The following MDGA2 variants were observed in gnomAD, a reference collection of about 807,000 sequenced individuals.
MDGA2 encodes the protein MAM domain-containing glycosylphosphatidylinositol anchor protein 2.
A neutral mutation model predicts 117.8 loss-of-function variants in MDGA2; 40 were observed. That is an observed-to-expected ratio of 0.34 (90% CI 0.26 to 0.44). The LOEUF is 0.44. Among genes scored for constraint, MDGA2 ranks in the 20% least tolerant of loss-of-function variants. The pLI is 1.00. For synonymous variants in MDGA2, 452 were observed against 439.0 expected (o/e 1.03, Z -0.37); for missense variants, 1,123 against 1,250.6 (o/e 0.90, Z 1.54).
chr14:46,843,015 T>C (rs1361949694), intron 16 of MDGA2, among the ~76,000 whole-genome samples: 2 of 152,234 alleles, frequency 1.3e-5, no homozygotes, highest in East Asian at 3.8e-4. Context: ...AATAGATTAT[T>C]TGTGTTCAAT....
At position 47,268,542 on chromosome 14, in the gene MDGA2, C is replaced by T. The variant is rs114034764; in HGVS notation, c.420+32869G>A. Among the ~76,000 whole-genome samples, 668 of 152,256 alleles carry T rather than the reference C, an allele frequency of 4.4e-3. 3 individuals carry two copies. Among genetic ancestry groups the T allele is most frequent in the African/African-American group, 0.015 (639 of 41,526 alleles). ...GTCAGGACTAGAATTCAGACACATT[C>T]CATCCTGAAACTCTATAATAATGAG... On this transcript the variant is annotated intron_variant, in intron 2 of 16. Coordinates refer to ENST00000399232, the MANE Select transcript of MDGA2 (RefSeq NM_001113498.3).
At chr14:47,076,120 C>T (rs752996184) in intron 6 of MDGA2, among the ~76,000 whole-genome samples, 2 of 151,820 alleles carry the variant, frequency 1.3e-5, no homozygotes. Flanking sequence ...CAAATGGGTA[C>T]GATTAGTGAT....
intron 12 of MDGA2, among the ~76,000 whole-genome samples, chr14:46,877,133 A>G (rs562651368): frequency 6.6e-6 from 1 of 151,742 alleles, no homozygotes; most frequent in East Asian, 1.9e-4. Context: ...ATAGACATTC[A>G]AAGAAGGAAA....
intron 3 of MDGA2, among the ~76,000 whole-genome samples, chr14:47,179,693 G>C (rs1884621631): frequency 6.6e-6 from 1 of 152,016 alleles, no homozygotes; most frequent in South Asian, 2.1e-4. Context: ...ATGGTTCACA[G>C]AGGTAGGTGA....
At chr14:46,919,608 A>G (rs1884045263) in intron 10 of MDGA2, among the ~76,000 whole-genome samples, 1 of 152,224 alleles carries the variant, frequency 6.6e-6, no homozygotes, top group Non-Finnish European at 1.5e-5. Context: ...CCCTAAAGCA[A>G]AAATATGTAC....
downstream of MDGA2, chr14:46,839,946 G>A (rs1880541408): frequency 6.6e-6 from 1 of 151,906 alleles, no homozygotes; most frequent in African/African-American, 2.4e-5. Context: ...GAGTGCATCA[G>A]GGAGTTCCTA....
intron 1 of MDGA2, among the ~76,000 whole-genome samples, chr14:47,318,859 A>C (rs1269608300): frequency 6.7e-6 from 1 of 150,120 alleles, no homozygotes; most frequent in Non-Finnish European, 1.5e-5. Flanking sequence ...TAATTCTTGA[A>C]TATGTGCAAA....
At chr14:46,919,904 A>T in intron 10 of MDGA2, 108 bp downstream of exon 10, 1 of 949,468 alleles carries the variant, frequency 1.1e-6, no homozygotes, top group Non-Finnish European at 1.5e-6. Flanking sequence ...AGAAACACAT[A>T]TACATAAAAT....
chr14:47,205,131 T>C (rs1885637652), intron 3 of MDGA2, among the ~76,000 whole-genome samples: 1 of 151,924 alleles, frequency 6.6e-6, no homozygotes, highest in East Asian at 1.9e-4. Flanking sequence ...TATATATATG[T>C]GCATATGTGT....
intron 1 of MDGA2, among the ~76,000 whole-genome samples, chr14:47,576,012 A>G (rs887067091): frequency 6.6e-6 from 1 of 152,178 alleles, no homozygotes; most frequent in African/African-American, 2.4e-5. Context: ...TATAAATTAC[A>G]TAATTACATC....
At chr14:47,138,867 A>G (rs1882581560) in intron 4 of MDGA2, among the ~76,000 whole-genome samples, 2 of 152,100 alleles carry the variant, frequency 1.3e-5, no homozygotes, top group African/African-American at 4.8e-5. Flanking sequence ...AAGTATAATT[A>G]TTCGTCTTAG....
intron 3 of MDGA2, chr14:47,200,762 G>A (rs1885473375): frequency 1.2e-6 from 1 of 851,908 alleles, no homozygotes; most frequent in Non-Finnish European, 1.9e-6. Context: ...AACCTCGTGA[G>A]CCAGGCGCCC....
chr14:47,136,268 G>A lies in MDGA2; in HGVS notation c.793-4422C>T, dbSNP rs570890567. On this transcript the variant is annotated intron_variant, in intron 4 of 16. Coordinates refer to ENST00000399232, the MANE Select transcript of MDGA2 (RefSeq NM_001113498.3). ...GGCTGGAGTGCAGTGGCGCAACCTC[G>A]GCTCGCTGAAACTCTGCCTCCAGGT... Among the ~76,000 whole-genome samples the A allele has an allele frequency of 7.4e-5, 11 of 148,364 alleles. No homozygotes were observed. The South Asian group carries it at 1.1e-3, about 14-fold the overall frequency.
intron 1 of MDGA2, among the ~76,000 whole-genome samples, chr14:47,365,911 T>C (rs779162677): frequency 6.6e-6 from 1 of 152,240 alleles, no homozygotes; most frequent in Non-Finnish European, 1.5e-5. Context: ...ACATCAATAC[T>C]TCTAACTCTT....
chr14:46,997,237 A>G (rs752872273), intron 8 of MDGA2: 1 of 158,454 alleles, frequency 6.3e-6, no homozygotes, highest in African/African-American at 2.4e-5. Flanking sequence ...CTGTTTTCAG[A>G]ATCCATTGGC....
intron 1 of MDGA2, among the ~76,000 whole-genome samples, chr14:47,481,667 T>C (rs1893956296): frequency 6.6e-6 from 1 of 152,042 alleles, no homozygotes. Flanking sequence ...CGAGAAATGA[T>C]GTTTTGCTTA....
chr14:47,277,746 G>T (rs761584036), intron 2 of MDGA2, among the ~76,000 whole-genome samples: 6 of 152,134 alleles, frequency 3.9e-5, no homozygotes, highest in Non-Finnish European at 8.8e-5. Context: ...GGACTGAGAT[G>T]AATTAAAATC....
At chr14:47,415,885 G>A (rs540675637) in intron 1 of MDGA2, among the ~76,000 whole-genome samples, 5 of 152,166 alleles carry the variant, frequency 3.3e-5, no homozygotes, top group Admixed American at 1.3e-4. Context: ...GTGCTAATGC[G>A]AATCATGAGG....
intron 2 of MDGA2, among the ~76,000 whole-genome samples, chr14:47,238,264 A>G (rs1249577139): frequency 3.3e-5 from 5 of 152,212 alleles, no homozygotes; most frequent in Non-Finnish European, 7.3e-5. Flanking sequence ...CAGAACATAT[A>G]TGAATTTGTG....
Sources: gnomAD v4.1 joint callset for allele counts (sites outside exome capture counted in the v4.1 genomes callset) on GRCh38, gnomAD v4.1.1 for gene constraint, MANE v1.5 for transcripts, NCBI Gene and HGNC (gene_info 2026-07-23, HGNC 2026-07-21) for gene names.